Variants in FOXJ3 observed in about 807,000 individuals in gnomAD.
The protein encoded by FOXJ3 is forkhead box protein J3.
FOXJ3 carries 22 observed loss-of-function variants against 76.1 expected under a neutral mutation model. The observed-to-expected ratio is 0.29, with a 90% confidence interval of 0.21 to 0.41. The LOEUF (loss-of-function observed/expected upper bound fraction) is 0.41, where lower values mean the gene tolerates loss of function less well. Ranked by LOEUF, FOXJ3 falls within the 10% of genes least tolerant of loss-of-function variation. The pLI is 1.00. For synonymous variants in FOXJ3, 269 were observed against 261.2 expected (o/e 1.03, Z -0.29); for missense variants, 613 against 762.1 (o/e 0.80, Z 2.30).
intron 3 of FOXJ3, among the ~76,000 whole-genome samples, chr1:42,274,341 T>C (rs1045309067): frequency 3.9e-5 from 6 of 152,368 alleles, no homozygotes; most frequent in Admixed American, 2.6e-4. Flanking sequence ...ATTCAAAATA[T>C]ACTGTTAACA....
At chr1:42,211,229 C>G (rs1253683036) in intron 5 of FOXJ3, among the ~76,000 whole-genome samples, 2 of 152,118 alleles carry the variant, frequency 1.3e-5, no homozygotes, top group Non-Finnish European at 2.9e-5. Context: ...TGTAGATACT[C>G]TTCGTGGAAC....
At chr1:42,330,569 T>A (rs1486194981) in intron 1 of FOXJ3, among the ~76,000 whole-genome samples, 1 of 151,672 alleles carries the variant, frequency 6.6e-6, no homozygotes, top group Non-Finnish European at 1.5e-5. Flanking sequence ...GCCCAGGAGG[T>A]TGAGGTTGCA....
intron 2 of FOXJ3, among the ~76,000 whole-genome samples, chr1:42,293,945 A>G (rs1267565159): frequency 6.6e-6 from 1 of 152,210 alleles, no homozygotes; most frequent in Non-Finnish European, 1.5e-5. Context: ...TCAAGTAAGC[A>G]CTAGTAGGGG....
Position 42,177,486 on chromosome 1 carries a change from A to G in FOXJ3, c.*2224T>C, listed in dbSNP as rs1646235972. 1 of 152,596 alleles carries G rather than the reference A, an allele frequency of 6.6e-6. No individual in the cohort carries two copies. The highest frequency in any genetic ancestry group is 1.5e-5 in the Non-Finnish European group (1 of 68,046). 9.5% of individuals were successfully genotyped at this position (152,596 alleles called of 1,614,324 possible). On this transcript the variant is annotated 3_prime_UTR_variant, in exon 13 of 13. Transcript: ENST00000361346. ...GTCTAGAAAACAGTGACTTAAGCAA[A>G]CCATTGAAAATCACCCCTCTTTTTT...
At chr1:42,290,636 A>G (rs949673207) in intron 2 of FOXJ3, among the ~76,000 whole-genome samples, 11 of 151,850 alleles carry the variant, frequency 7.2e-5, no homozygotes, top group Admixed American at 5.9e-4. Context: ...TTTTGTTTCT[A>G]TTTTTTATTT....
chr1:42,262,586 C>T (rs927119520), intron 4 of FOXJ3, among the ~76,000 whole-genome samples: 3 of 152,168 alleles, frequency 2.0e-5, no homozygotes, highest in Non-Finnish European at 4.4e-5. Flanking sequence ...CGGCAGCTCA[C>T]GCCTGTAATC....
At chr1:42,293,139 T>C (rs1302488791) in intron 2 of FOXJ3, among the ~76,000 whole-genome samples, 4 of 152,140 alleles carry the variant, frequency 2.6e-5, no homozygotes. Flanking sequence ...TGATTTGGAA[T>C]AAGTAAAGAT....
At chr1:42,305,705 G>C (rs1654414812) in intron 2 of FOXJ3, among the ~76,000 whole-genome samples, 1 of 152,192 alleles carries the variant, frequency 6.6e-6, no homozygotes, top group South Asian at 2.1e-4. Context: ...TTGGTTACCA[G>C]AGGCTGGGAA....
At chr1:42,323,565 A>G in intron 1 of FOXJ3, 1 of 217,502 alleles carries the variant, frequency 4.6e-6, no homozygotes, top group Non-Finnish European at 7.8e-6. Flanking sequence ...TCCAAACACT[A>G]TCTCATCCAC....
At position 42,187,195 on chromosome 1, in the gene FOXJ3, T is replaced by G. The variant is rs576712381; in HGVS notation, c.1645+1542A>C. On this transcript the variant is annotated intron_variant, in intron 11 of 12. Transcript: ENST00000361346. ...GACCCACATCATCTTCTACTTCTCC[T>G]GCCTACGGCAACAATCTATGAGCAA... Among the ~76,000 whole-genome samples, 9 of 152,340 alleles carry G rather than the reference T, an allele frequency of 5.9e-5. No homozygotes were observed. The South Asian group carries it at 1.9e-3, about 32-fold the overall frequency.
intron 5 of FOXJ3, among the ~76,000 whole-genome samples, chr1:42,209,525 A>T (rs766945511): frequency 6.6e-6 from 1 of 152,170 alleles, no homozygotes; most frequent in Non-Finnish European, 1.5e-5. Context: ...AGTGGGAGAG[A>T]GACTTCCTCC....
intron 6 of FOXJ3, among the ~76,000 whole-genome samples, chr1:42,201,550 A>AGT (rs745471309): frequency 1.1e-3 from 162 of 152,314 alleles, no homozygotes; most frequent in Non-Finnish European, 7.1e-4. Context: ...CTAGTGCTAG[A>AGT]CCTAGCTTGC....
intron 12 of FOXJ3, among the ~76,000 whole-genome samples, chr1:42,181,064 C>T (rs189200004): frequency 6.6e-6 from 1 of 152,240 alleles, no homozygotes. Flanking sequence ...CACAGTTCTT[C>T]AAGGTTTTAA....
Position 42,178,811 on chromosome 1 carries a change from CT to C in FOXJ3, c.*898del, listed in dbSNP as rs1247438644. 6.6e-6 allele frequency: 1 copy of C among 151,900 alleles called. No homozygotes were observed. The highest frequency in any genetic ancestry group is 1.5e-5 in the Non-Finnish European group (1 of 67,808). The allele number at this position is 151,900 out of a possible 1,614,324, so 9.4% of individuals were successfully genotyped here. A position where few individuals can be genotyped will look rare whatever the true frequency, so the allele number is the denominator to read the frequency against. On this transcript the variant is annotated 3_prime_UTR_variant, in exon 13 of 13. Coordinates refer to ENST00000361346, the MANE Select transcript of FOXJ3 (RefSeq NM_014947.5). ...AAAAAAGAAAAAAATAATAATAGTT[CT>C]GTGCTTTCAGACACATTTCTCCTTA...
At chr1:42,196,748 C>A (rs1646659139) in intron 7 of FOXJ3, among the ~76,000 whole-genome samples, 1 of 152,104 alleles carries the variant, frequency 6.6e-6, no homozygotes, top group African/African-American at 2.4e-5. Context: ...GCAGTTTAAC[C>A]CTCTTACATT....
intron 4 of FOXJ3, among the ~76,000 whole-genome samples, chr1:42,236,595 C>T (rs959394113): frequency 6.6e-6 from 1 of 152,196 alleles, no homozygotes; most frequent in Non-Finnish European, 1.5e-5. Context: ...CAACTGTATA[C>T]CTTCATGTAA....
At chr1:42,306,879 T>G (rs1287971036) in intron 2 of FOXJ3, among the ~76,000 whole-genome samples, 2 of 152,216 alleles carry the variant, frequency 1.3e-5, no homozygotes, top group Non-Finnish European at 2.9e-5. Flanking sequence ...TCTTGTACCC[T>G]ATTTCTCAGC....
chr1:42,252,511 CTT>C (rs1298374944), intron 4 of FOXJ3, among the ~76,000 whole-genome samples: 1 of 151,830 alleles, frequency 6.6e-6, no homozygotes, highest in Non-Finnish European at 1.5e-5. Flanking sequence ...ATTCTTCTCT[CTT>C]TTTTTCTTTA....
At position 42,327,203 on chromosome 1, in the gene FOXJ3, G is replaced by A. The variant is rs773697670; in HGVS notation, c.-18+7856C>T. Among the ~76,000 whole-genome samples, 12 of 152,068 alleles carry A rather than the reference G, an allele frequency of 7.9e-5. No individual in the cohort carries two copies. The South Asian group carries it at 2.1e-3, about 26-fold the overall frequency. ...CAAAGGTGCCATTTCTGATGGTGACGGCTACCCACGTATACACAGTGGGAC... is the reference window on the plus strand; with the variant it reads ...CAAAGGTGCCATTTCTGATGGTGACAGCTACCCACGTATACACAGTGGGAC... On this transcript the variant is annotated intron_variant, in intron 1 of 12. Coordinates refer to ENST00000361346, the MANE Select transcript of FOXJ3 (RefSeq NM_014947.5).
Sources: allele counts gnomAD v4.1 joint callset (sites outside exome capture counted in the v4.1 genomes callset), GRCh38; gene constraint gnomAD v4.1.1; transcripts MANE v1.5; gene names NCBI Gene and HGNC (gene_info 2026-07-23, HGNC 2026-07-21).